Variants in TMPRSS13 observed in about 807,000 individuals in gnomAD.
TMPRSS13 encodes transmembrane serine protease 13, also known as transmembrane protease serine 13.
A neutral mutation model predicts 68.4 loss-of-function variants in TMPRSS13; 50 were observed. The observed-to-expected ratio is 0.73, with a 90% CI of 0.58 to 0.93. TMPRSS13 has a LOEUF of 0.93. Among genes scored for constraint, TMPRSS13 ranks in the 40% least tolerant of loss-of-function variants. The pLI, the probability that TMPRSS13 is intolerant of heterozygous loss-of-function variation, is 0.00. For missense variants in TMPRSS13, 615 were observed against 729.2 expected, an observed-to-expected ratio of 0.84 and a Z score of 1.80; for synonymous variants, 267 against 285.8, an observed-to-expected ratio of 0.93 and a Z score of 0.66.
intron 2 of TMPRSS13, among the ~76,000 whole-genome samples, 187 bp downstream of exon 2, chr11:117,918,222 T>C (rs1386264621): frequency 1.3e-5 from 2 of 152,168 alleles, no homozygotes; most frequent in Non-Finnish European, 2.9e-5. Context: ...CATTTTCCAC[T>C]GTCTCAGGTT....
At chr11:117,923,738 G>A (rs1390475459) in intron 1 of TMPRSS13, among the ~76,000 whole-genome samples, 1 of 150,764 alleles carries the variant, frequency 6.6e-6, no homozygotes, top group Admixed American at 6.6e-5. Context: ...TAATGTAAAG[G>A]ACGAGTTAAT....
At position 117,902,107 on chromosome 11, in the gene TMPRSS13, G is replaced by T; in HGVS notation, c.*132C>A. On this transcript the variant is annotated 3_prime_UTR_variant, in exon 13 of 13. Transcript: ENST00000524993. The stretch of plus-strand genomic sequence containing the variant: ...ACACACACACACACACACACACAGA[G>T]GCAGCAGACAGTGGAGGTGGGAGTC... 1 of 925,670 alleles carries T rather than the reference G, an allele frequency of 1.1e-6. No individual in the cohort carries two copies. Among genetic ancestry groups the T allele is most frequent in the Non-Finnish European group, 1.7e-6 (1 of 590,942 alleles). 57.3% of individuals were successfully genotyped at this position (925,670 alleles called of 1,614,324 possible).
rs1275131508 is a variant in TMPRSS13, at chr11:117,929,301, T to C, written c.7A>G (p.Arg3Gly). 3 of 1,605,538 alleles carry C rather than the reference T, an allele frequency of 1.9e-6. No individual in the cohort carries two copies. The highest frequency in any genetic ancestry group is 2.3e-5 in the East Asian group (1 of 44,010). Residue 3 changes from arginine (R) to glycine (G), a missense_variant, in exon 1 of 13, where the codon AGG becomes GGG. Physicochemically the swap from Arg to Gly is moderately radical, Grantham distance 125 (BLOSUM62 -2). Coordinates refer to ENST00000524993, the MANE Select transcript of TMPRSS13 (RefSeq NM_001077263.3). ...GTCACACTCACCCCGTGGCTGTCCC[T>C]CTCCATGGTCTCTGAGGGGAAGAGT... ME[R>G]DSHGNASPAR...
intron 5 of TMPRSS13, among the ~76,000 whole-genome samples, chr11:117,913,099 C>G (rs928644119): frequency 6.6e-6 from 1 of 152,124 alleles, no homozygotes; most frequent in African/African-American, 2.4e-5. Flanking sequence ...ATCTTAAACT[C>G]CTCTCCCCAC....
intron 9 of TMPRSS13, chr11:117,907,741 C>T (rs1316278898): frequency 1.1e-6 from 1 of 941,504 alleles, no homozygotes. Flanking sequence ...TAGTTGCTCC[C>T]GCCTATGCCA....
chr11:117,927,850 T>C (rs975692265), intron 1 of TMPRSS13, among the ~76,000 whole-genome samples: 3 of 152,220 alleles, frequency 2.0e-5, no homozygotes, highest in Admixed American at 2.0e-4. Context: ...AATCTTTTTT[T>C]CAGAATGAAT....
Position 117,922,916 on chromosome 11 carries a change from A to T in TMPRSS13, c.22-4078T>A, listed in dbSNP as rs1201849269. ...GCCCACACCCCAGGCTGTCACTGCT[A>T]CCACCTGGCTATGCCTCTGCAGCTC... On this transcript the variant is annotated intron_variant, in intron 1 of 12. Coordinates refer to ENST00000524993, the MANE Select transcript of TMPRSS13 (RefSeq NM_001077263.3). This position sits in a 1 kb window ranked among gnomAD's most constrained non-coding sequence, Gnocchi z 4.2. Among the ~76,000 whole-genome samples the T allele has an allele frequency of 6.6e-6, 1 of 152,192 alleles. No individual in the cohort carries two copies. Among genetic ancestry groups the T allele is most frequent in the Non-Finnish European group, 1.5e-5 (1 of 68,030 alleles).
At position 117,902,036 on chromosome 11, in the gene TMPRSS13, T is replaced by A; in HGVS notation, c.*203A>T. The A allele has an allele frequency of 1.6e-6, 1 of 627,180 alleles. No individual in the cohort carries two copies. Among genetic ancestry groups the A allele is most frequent in the Non-Finnish European group, 2.8e-6 (1 of 354,666 alleles). The allele number at this position is 627,180 out of a possible 1,614,324, so 38.9% of individuals were successfully genotyped here. On this transcript the variant is annotated 3_prime_UTR_variant, in exon 13 of 13. Coordinates refer to ENST00000524993, the MANE Select transcript of TMPRSS13 (RefSeq NM_001077263.3). Reference sequence around the variant, plus strand: ...AGAAGAGTTGACAGCTCTGCTGGTTTCTGAAAAACTTGGGAGAGTGGCAAT... The same window carrying A: ...AGAAGAGTTGACAGCTCTGCTGGTTACTGAAAAACTTGGGAGAGTGGCAAT...
At chr11:117,910,002 G>C (rs745692134) in intron 7 of TMPRSS13, 34 bp from the exon 8 acceptor site, 1 of 1,601,864 alleles carries the variant, frequency 6.2e-7, no homozygotes, top group East Asian at 2.2e-5. Flanking sequence ...TGTGAACCCT[G>C]TTTCTCCCAG....
chr11:117,918,152 T>A (rs929482356), intron 2 of TMPRSS13, among the ~76,000 whole-genome samples: 2 of 152,104 alleles, frequency 1.3e-5, no homozygotes, highest in Admixed American at 1.3e-4. Flanking sequence ...TTGTGCAGAC[T>A]CCAGGGTGAC....
intron 9 of TMPRSS13, 43 bp downstream of exon 9, chr11:117,908,569 T>C (rs774728852): frequency 6.5e-7 from 1 of 1,543,268 alleles, no homozygotes; most frequent in South Asian, 1.2e-5. Context: ...CAGAGGGTGC[T>C]GGGGCTGGGG....
At chr11:117,907,780 G>T in intron 9 of TMPRSS13, 1 of 984,212 alleles carries the variant, frequency 1.0e-6, no homozygotes, top group Non-Finnish European at 1.2e-6. Context: ...CGAAAACATC[G>T]TATAATTGGC....
At chr11:117,925,152 G>C (rs970926388) in intron 1 of TMPRSS13, among the ~76,000 whole-genome samples, 1 of 152,198 alleles carries the variant, frequency 6.6e-6, no homozygotes, top group Non-Finnish European at 1.5e-5. Flanking sequence ...CAGCTGGTGG[G>C]GACTGTGGTG....
intron 10 of TMPRSS13, among the ~76,000 whole-genome samples, chr11:117,904,490 G>A (rs1359398176): frequency 2.0e-5 from 3 of 152,082 alleles, no homozygotes; most frequent in East Asian, 1.9e-4. Flanking sequence ...TCCATTTACC[G>A]GTGGGGAGGC....
At chr11:117,928,382 G>A (rs1214294531) in intron 1 of TMPRSS13, among the ~76,000 whole-genome samples, 4 of 152,184 alleles carry the variant, frequency 2.6e-5, no homozygotes, top group Admixed American at 2.6e-4. Context: ...AAACACATTG[G>A]GGGTGCAGAA....
In TMPRSS13 at chr11:117,903,584, G is replaced by A. The variant is rs745705712; in HGVS notation, c.1677+71C>T. 5.7e-5 allele frequency: 92 copies of A among 1,608,588 alleles called. 1 individual carries two copies. In the South Asian group the frequency reaches 9.1e-4, roughly 16 times the overall value. ...GGGGACCTCTGCCTACAACCTGGGTGCTCCTCCAGGGTCCCCACCTGAGGA... is the reference window on the plus strand; with the variant it reads ...GGGGACCTCTGCCTACAACCTGGGTACTCCTCCAGGGTCCCCACCTGAGGA... On this transcript the variant is annotated intron_variant, in intron 12 of 12. Coordinates refer to ENST00000524993, the MANE Select transcript of TMPRSS13 (RefSeq NM_001077263.3).
intron 9 of TMPRSS13, among the ~76,000 whole-genome samples, chr11:117,906,815 G>A (rs2134879980): frequency 6.6e-6 from 1 of 152,148 alleles, no homozygotes; most frequent in South Asian, 2.1e-4. Flanking sequence ...TTTTTTATGG[G>A]GGAATTAAAT....
At chr11:117,918,945 G>T in intron 1 of TMPRSS13, 107 bp from the exon 2 acceptor site, 1 of 1,459,872 alleles carries the variant, frequency 6.8e-7, no homozygotes. Flanking sequence ...GCAGCTAGGG[G>T]TTGAGCAAAG....
At position 117,922,690 on chromosome 11, in the gene TMPRSS13, C is replaced by T. The variant is rs977661620; in HGVS notation, c.22-3852G>A. Reference sequence around the variant, plus strand: ...GTGTCTCCACAACCTGCCTGCAGACCAAAGGCTTCTCAGCCTGCTCAGGGG... The same window carrying T: ...GTGTCTCCACAACCTGCCTGCAGACTAAAGGCTTCTCAGCCTGCTCAGGGG... On this transcript the variant is annotated intron_variant, in intron 1 of 12. Transcript: ENST00000524993. The surrounding 1 kb of genome is among the most constrained non-coding windows in gnomAD (Gnocchi z 4.2). Among the ~76,000 whole-genome samples the T allele has an allele frequency of 2.6e-4, 39 of 152,210 alleles. No homozygotes were observed. Among genetic ancestry groups the T allele is most frequent in the Non-Finnish European group, 5.1e-4 (35 of 68,036 alleles).
Sources: gnomAD v4.1 joint callset for allele counts (sites outside exome capture counted in the v4.1 genomes callset) on GRCh38, gnomAD v4.1.1 for gene constraint, Gnocchi (gnomAD v3.1) non-coding constraint, MANE v1.5 for transcripts, NCBI Gene and HGNC (gene_info 2026-07-23, HGNC 2026-07-21) for gene names.